Variants in SV2C observed in about 807,000 individuals in gnomAD.
SV2C encodes the protein synaptic vesicle glycoprotein 2C, also known as solute carrier family 22 member B3.
Under a neutral mutation model 79.7 loss-of-function variants are expected in SV2C, and 49 were observed. That is an observed-to-expected ratio of 0.61 (90% confidence interval 0.49 to 0.78). The LOEUF (loss-of-function observed/expected upper bound fraction) is 0.78. SV2C is among the 30% of genes least tolerant of loss of function. The probability of loss-of-function intolerance (pLI) is 0.00; values close to 1 mark genes in which losing one functional copy is unlikely to be tolerated. For synonymous variants in SV2C, 334 were observed against 333.2 expected (o/e 1.00, Z -0.03); for missense variants, 833 against 912.9 (o/e 0.91, Z 1.13).
intron 8 of SV2C, among the ~76,000 whole-genome samples, chr5:76,294,294 TTC>T (rs200506393): frequency 7.0e-6 from 1 of 143,226 alleles, no homozygotes; most frequent in Admixed American, 7.6e-5. Context: ...GTTTCATTCA[TTC>T]TCTCTCTCTT....
the SV2C span, among the ~76,000 whole-genome samples, chr5:76,025,063 C>G: frequency 1.3e-5 from 2 of 152,178 alleles, no homozygotes; most frequent in Non-Finnish European, 2.9e-5. Flanking sequence ...TCTTATTCCA[C>G]CACACTCCAT....
chr5:76,064,143 G>C, the SV2C span, among the ~76,000 whole-genome samples: 1 of 152,144 alleles, frequency 6.6e-6, no homozygotes, highest in African/African-American at 2.4e-5. Context: ...ATAAGCCCTC[G>C]CTGCTGCACA....
the SV2C span, among the ~76,000 whole-genome samples, chr5:75,857,681 G>A: frequency 1.3e-5 from 2 of 152,164 alleles, no homozygotes; most frequent in Non-Finnish European, 2.9e-5. Flanking sequence ...CACGGAGTCT[G>A]TAGATTGCTT....
chr5:75,905,435 T>C, the SV2C span, among the ~76,000 whole-genome samples: 1 of 152,146 alleles, frequency 6.6e-6, no homozygotes, highest in African/African-American at 2.4e-5. Flanking sequence ...TGTTGCAAAA[T>C]AAACTGGAAA....
chr5:75,971,854 G>T, the SV2C span, among the ~76,000 whole-genome samples: 421 of 152,128 alleles, frequency 2.8e-3, 4 homozygotes, highest in African/African-American at 9.3e-3. Flanking sequence ...CCAAAAAAGA[G>T]CCCACATTGC....
At chr5:76,314,228 C>T (rs139963439) in intron 12 of SV2C, among the ~76,000 whole-genome samples, 375 of 152,260 alleles carry the variant, frequency 2.5e-3, no homozygotes, top group African/African-American at 7.7e-3. Context: ...TTTTCCTCCC[C>T]GTATGGGGTC....
At chr5:75,852,721 G>T in the SV2C span, among the ~76,000 whole-genome samples, 1 of 151,780 alleles carries the variant, frequency 6.6e-6, no homozygotes, top group Non-Finnish European at 1.5e-5. Context: ...AGCTACTTGG[G>T]AGGCTGAAGC....
intron 3 of SV2C, among the ~76,000 whole-genome samples, chr5:76,195,640 A>T (rs1270854668): frequency 6.6e-6 from 1 of 152,214 alleles, no homozygotes; most frequent in Non-Finnish European, 1.5e-5. Context: ...ATGCAGTGGT[A>T]GAGTGTAGCC....
rs1748894876 is a variant in SV2C, at chr5:76,131,690, A to C, written c.-61A>C. The C allele has an allele frequency of 3.5e-6, 5 of 1,439,392 alleles. No homozygotes were observed. In the Admixed American group the frequency reaches 1.0e-4, roughly 30 times the overall value. 89.2% of individuals were successfully genotyped at this position (1,439,392 alleles called of 1,614,324 possible). A position where few individuals can be genotyped will look rare whatever the true frequency, so the allele number is the denominator to read the frequency against. On this transcript the variant is annotated 5_prime_UTR_variant, in exon 2 of 13. Coordinates refer to ENST00000502798, the MANE Select transcript of SV2C (RefSeq NM_014979.4). Reference sequence around the variant, plus strand: ...AAAGTGGATGATGCTGTCAGAGCTGAACCACTGAAAGGAGGCTGTGAAAAT... The same window carrying C: ...AAAGTGGATGATGCTGTCAGAGCTGCACCACTGAAAGGAGGCTGTGAAAAT...
Position 76,285,879 on chromosome 5 carries a change from T to G in SV2C, c.1137+9T>G. 1.2e-6 allele frequency: 2 copies of G among 1,611,576 alleles called. No homozygotes were observed. Among genetic ancestry groups the G allele is most frequent in the East Asian group, 4.5e-5 (2 of 44,850 alleles). ...CTGAGAAGGTCTTCACGGTGAGTCTTCTCCCCAGAGAATCCTCAACACCAG... is the reference window on the plus strand; with the variant it reads ...CTGAGAAGGTCTTCACGGTGAGTCTGCTCCCCAGAGAATCCTCAACACCAG... On this transcript the variant is annotated intron_variant, in intron 6 of 12. Transcript: ENST00000502798.
the SV2C span, among the ~76,000 whole-genome samples, chr5:76,059,352 T>A: frequency 1.3e-5 from 2 of 152,134 alleles, no homozygotes; most frequent in African/African-American, 2.4e-5. Context: ...ACAGTAGAAC[T>A]TCTTTCAAAA....
intron 12 of SV2C, among the ~76,000 whole-genome samples, chr5:76,344,215 G>A (rs1007778062): frequency 6.6e-6 from 1 of 152,080 alleles, no homozygotes; most frequent in Non-Finnish European, 1.5e-5. Context: ...TCCAAAATAA[G>A]TATGATTTTA....
chr5:75,943,234 C>T, the SV2C span, among the ~76,000 whole-genome samples: 1 of 152,124 alleles, frequency 6.6e-6, no homozygotes, highest in Non-Finnish European at 1.5e-5. Context: ...CACGCTATTG[C>T]TTGGAAGAGA....
chr5:75,942,003 A>G, the SV2C span, among the ~76,000 whole-genome samples: 2 of 152,314 alleles, frequency 1.3e-5, no homozygotes, highest in African/African-American at 4.8e-5. Context: ...TTTTTGTCCA[A>G]TCACATTTCT....
At chr5:76,307,692 GTTTGT>G (rs1399186521) in intron 12 of SV2C, among the ~76,000 whole-genome samples, 2 of 152,102 alleles carry the variant, frequency 1.3e-5, no homozygotes, top group Non-Finnish European at 2.9e-5. Flanking sequence ...CCCTGATTTA[GTTTGT>G]TTTCTCTGTT....
the SV2C span, among the ~76,000 whole-genome samples, chr5:76,009,103 C>T: frequency 1.3e-5 from 2 of 152,142 alleles, no homozygotes; most frequent in South Asian, 2.1e-4. Flanking sequence ...GCTCAATATC[C>T]TTCCTTGCTA....
the SV2C span, among the ~76,000 whole-genome samples, chr5:76,066,158 T>C: frequency 1.3e-5 from 2 of 152,032 alleles, no homozygotes; most frequent in Non-Finnish European, 2.9e-5. Flanking sequence ...CGTATGTTTA[T>C]TGCGGCACTA....
the SV2C span, among the ~76,000 whole-genome samples, chr5:76,072,186 T>A: frequency 6.6e-6 from 1 of 152,206 alleles, no homozygotes; most frequent in Non-Finnish European, 1.5e-5. Context: ...CTGCAGAATT[T>A]AAAGCCATGA....
rs911164828 is a variant in SV2C at position 76,333,686 on chromosome 5, T to A, written c.*8139T>A. 6.6e-6 allele frequency: 1 copy of A among 152,232 alleles called. No homozygotes were observed. Among genetic ancestry groups the A allele is most frequent in the Admixed American group, 6.5e-5 (1 of 15,290 alleles). The allele number at this position is 152,232 out of a possible 1,614,324, so 9.4% of individuals were successfully genotyped here. A position where few individuals can be genotyped will look rare whatever the true frequency, so the allele number is the denominator to read the frequency against. On this transcript the variant is annotated 3_prime_UTR_variant, in exon 13 of 13. Coordinates refer to ENST00000502798, the MANE Select transcript of SV2C (RefSeq NM_014979.4). ...GCTGGTCCTGTTGTGAACTCATCTT[T>A]CCTGTATGCTCCTCTGTGTCTGATT...
Sources: gnomAD v4.1 joint callset for allele counts (sites outside exome capture counted in the v4.1 genomes callset) on GRCh38, gnomAD v4.1.1 for gene constraint, MANE v1.5 for transcripts, NCBI Gene and HGNC (gene_info 2026-07-23, HGNC 2026-07-21) for gene names.